The following DAB1 variants were observed in gnomAD, a reference collection of about 807,000 sequenced individuals.
The protein encoded by DAB1 is disabled homolog 1.
Under a neutral mutation model 64.6 loss-of-function variants are expected in DAB1, and 15 were observed. The ratio of observed to expected loss-of-function variants is 0.23; its 90% CI spans 0.16 to 0.36. DAB1 has a LOEUF of 0.36. Among genes scored for constraint, DAB1 ranks in the 10% least tolerant of loss-of-function variants. The pLI, the probability that DAB1 is intolerant of heterozygous loss-of-function variation, is 1.00. For synonymous variants in DAB1, 235 were observed against 251.9 expected (o/e 0.93, Z 0.64); for missense variants, 596 against 706.7 (o/e 0.84, Z 1.78).
chr1:58,372,512 A>T (rs1445412030), intron 3 of DAB1, among the ~76,000 whole-genome samples: 1 of 152,158 alleles, frequency 6.6e-6, no homozygotes, highest in African/African-American at 2.4e-5. Context: ...TACTGCTGGA[A>T]TGAGTTAAAA....
At chr1:57,988,069 C>A (rs181977463) in intron 5 of DAB1, among the ~76,000 whole-genome samples, 26 of 152,148 alleles carry the variant, frequency 1.7e-4, no homozygotes, top group African/African-American at 6.3e-4. Context: ...TACTTAGGAA[C>A]CCAATCCCAC....
chr1:58,107,296 A>G (rs1651706354), intron 5 of DAB1, among the ~76,000 whole-genome samples: 1 of 148,340 alleles, frequency 6.7e-6, no homozygotes, highest in African/African-American at 2.5e-5. Context: ...CCCCTCTACT[A>G]AAAATACAAA....
At chr1:58,176,690 C>T (rs1413335257) in intron 4 of DAB1, among the ~76,000 whole-genome samples, 3 of 152,112 alleles carry the variant, frequency 2.0e-5, no homozygotes, top group Non-Finnish European at 4.4e-5. Context: ...CTTAAAAATC[C>T]CACCTCCAGC....
chr1:57,912,987 A>G (rs1330186588), intron 5 of DAB1, among the ~76,000 whole-genome samples: 3 of 152,246 alleles, frequency 2.0e-5, no homozygotes, highest in Admixed American at 1.3e-4. Flanking sequence ...ATGGGTAGGA[A>G]GAATCAATAT....
intron 2 of DAB1, among the ~76,000 whole-genome samples, chr1:57,200,960 A>T (rs1456495358): frequency 6.6e-6 from 1 of 152,228 alleles, no homozygotes; most frequent in Non-Finnish European, 1.5e-5. Flanking sequence ...TCTACTAGGC[A>T]TGCAAATGTT....
chr1:57,907,107 CA>C (rs542353519), intron 5 of DAB1, among the ~76,000 whole-genome samples: 39 of 152,138 alleles, frequency 2.6e-4, no homozygotes, highest in Non-Finnish European at 5.1e-4. Context: ...GCCAATTAAG[CA>C]AAAACACAAC....
chr1:57,473,058 A>G (rs1687198208), intron 7 of DAB1, among the ~76,000 whole-genome samples: 1 of 152,180 alleles, frequency 6.6e-6, no homozygotes, highest in South Asian at 2.1e-4. Context: ...AATTCTTTAT[A>G]TTACTTCTGG....
At position 57,976,378 on chromosome 1, in the gene DAB1, T is replaced by G. The variant is rs932315517; in HGVS notation, n.388-92216A>C. ...GGCACAAGCAAAGCTTCAAATTGAT[T>G]TAATTTAAAATTTCAAACTGCTGTA... On this transcript the variant is annotated intron_variant and non_coding_transcript_variant, in intron 5 of 20. Coordinates refer to the DAB1 transcript ENST00000485760. 5.3e-5 allele frequency among the ~76,000 whole-genome samples: 8 copies of G among 152,180 alleles called. 1 individual carries two copies. In the East Asian group the frequency reaches 1.4e-3, roughly 26 times the overall value.
At chr1:57,280,014 A>G (rs1671766099) in intron 2 of DAB1, among the ~76,000 whole-genome samples, 1 of 152,238 alleles carries the variant, frequency 6.6e-6, no homozygotes, top group African/African-American at 2.4e-5. Flanking sequence ...GTAAGAGGAC[A>G]TATCATTCAG....
At chr1:58,134,712 T>G (rs1653845296) in intron 5 of DAB1, among the ~76,000 whole-genome samples, 1 of 152,100 alleles carries the variant, frequency 6.6e-6, no homozygotes, top group Non-Finnish European at 1.5e-5. Context: ...GTGAGAACTC[T>G]ATCACGAGAA....
chr1:57,267,492 G>C (rs1405785022), intron 2 of DAB1, among the ~76,000 whole-genome samples: 2 of 152,194 alleles, frequency 1.3e-5, no homozygotes, highest in African/African-American at 4.8e-5. Context: ...ATCTGAACCT[G>C]TCTTATGCCG....
intron 1 of DAB1, among the ~76,000 whole-genome samples, chr1:57,845,648 T>C (rs1315196615): frequency 3.4e-4 from 52 of 152,152 alleles, no homozygotes; most frequent in Non-Finnish European, 5.9e-5. Context: ...CATTAAAGAA[T>C]GTGAGAGACC....
At chr1:58,177,369 C>T (rs1197230686) in intron 4 of DAB1, among the ~76,000 whole-genome samples, 1 of 152,012 alleles carries the variant, frequency 6.6e-6, no homozygotes, top group Non-Finnish European at 1.5e-5. Flanking sequence ...AAATGCTCCA[C>T]AAATATTTGT....
At chr1:57,771,483 C>A (rs1649558416) in intron 6 of DAB1, among the ~76,000 whole-genome samples, 1 of 152,002 alleles carries the variant, frequency 6.6e-6, no homozygotes, top group South Asian at 2.1e-4. Flanking sequence ...CTATTTAGTT[C>A]TTATAACTGC....
intron 9 of DAB1, among the ~76,000 whole-genome samples, chr1:57,042,168 A>G (rs1302438098): frequency 2.6e-5 from 4 of 152,184 alleles, no homozygotes; most frequent in Admixed American, 6.5e-5. Context: ...GGATCGAATG[A>G]GGCAATATTC....
In DAB1 at chr1:57,752,323, C is replaced by T. The variant is rs556927024; in HGVS notation, n.552-102658G>A. On this transcript the variant is annotated intron_variant and non_coding_transcript_variant, in intron 6 of 20. Transcript: ENST00000485760. ...TACATTTTTCAACCCATATATACAC[C>T]TGTCAAGATATAAGCCGGGTTTTGA... is the stretch of plus-strand genomic sequence containing the variant. 6.6e-5 allele frequency among the ~76,000 whole-genome samples: 10 copies of T among 152,254 alleles called. No individual in the cohort carries two copies. The South Asian group carries it at 1.5e-3, about 22-fold the overall frequency.
At chr1:58,101,312 G>A (rs12022574) in intron 5 of DAB1, among the ~76,000 whole-genome samples, 2,575 of 151,916 alleles carry the variant, frequency 0.017, 93 homozygotes, top group South Asian at 0.1. Context: ...GCGAGACTCC[G>A]TCTCAAAAAA....
At chr1:57,908,405 T>C (rs747867683) in intron 5 of DAB1, among the ~76,000 whole-genome samples, 1 of 152,222 alleles carries the variant, frequency 6.6e-6, no homozygotes, top group African/African-American at 2.4e-5. Context: ...TATAGATTTA[T>C]TGCTTAACGC....
intron 3 of DAB1, among the ~76,000 whole-genome samples, chr1:58,452,335 T>C (rs1300957892): frequency 6.6e-6 from 1 of 151,552 alleles, no homozygotes; most frequent in African/African-American, 2.4e-5. Flanking sequence ...TATCAGCCCC[T>C]AGGAAAATGC....
Sources: gnomAD v4.1 joint callset for allele counts (sites outside exome capture counted in the v4.1 genomes callset) on GRCh38, gnomAD v4.1.1 for gene constraint, MANE v1.5 for transcripts, NCBI Gene and HGNC (gene_info 2026-07-23, HGNC 2026-07-21) for gene names.